Variants in CSMD1 observed in about 807,000 individuals in gnomAD.
CSMD1 encodes CUB and Sushi multiple domains 1.
A neutral mutation model predicts 417.5 loss-of-function variants in CSMD1; 213 were observed. The observed-to-expected ratio is 0.51, with a 90% CI of 0.46 to 0.57. The LOEUF (loss-of-function observed/expected upper bound fraction) is 0.57, where lower values mean the gene tolerates loss of function less well. Ranked by LOEUF, CSMD1 falls within the 20% of genes least tolerant of loss-of-function variation. The pLI, the probability that CSMD1 is intolerant of heterozygous loss-of-function variation, is 0.00. For synonymous variants in CSMD1, 2,862 were observed against 1,736.8 expected (o/e 1.65, Z -16.11); for missense variants, 6,923 against 4,529.7 (o/e 1.53, Z -15.17).
chr8:4,023,323 C>T (rs1045741765), intron 4 of CSMD1, among the ~76,000 whole-genome samples: 2 of 152,166 alleles, frequency 1.3e-5, no homozygotes, highest in African/African-American at 2.4e-5. Context: ...AAGAGTATTT[C>T]TGTTTGAGCC....
chr8:3,171,885 T>C (rs1820603428), intron 37 of CSMD1, among the ~76,000 whole-genome samples: 1 of 152,194 alleles, frequency 6.6e-6, no homozygotes, highest in Non-Finnish European at 1.5e-5. Context: ...ACTTGTTAAA[T>C]AGTTTGCATC....
At chr8:3,719,041 C>G (rs191791916) in intron 6 of CSMD1, among the ~76,000 whole-genome samples, 1 of 152,210 alleles carries the variant, frequency 6.6e-6, no homozygotes, top group East Asian at 1.9e-4. Flanking sequence ...CTGCACTCTA[C>G]GTATTGAGAT....
At chr8:4,081,758 A>G (rs1455068550) in intron 3 of CSMD1, among the ~76,000 whole-genome samples, 1 of 152,204 alleles carries the variant, frequency 6.6e-6, no homozygotes, top group East Asian at 1.9e-4. Flanking sequence ...TTTTTTAAAG[A>G]CCCCAAATAT....
At chr8:3,450,543 T>C (rs564099535) in intron 12 of CSMD1, among the ~76,000 whole-genome samples, 2 of 150,184 alleles carry the variant, frequency 1.3e-5, no homozygotes, top group East Asian at 2.0e-4. Flanking sequence ...TTCCCACCTA[T>C]CAATGAGAAC....
chr8:3,162,008 A>T, intron 38 of CSMD1, 151 bp downstream of exon 38: 1 of 587,054 alleles, frequency 1.7e-6, no homozygotes, highest in Admixed American at 2.8e-5. Flanking sequence ...AATGGTGACG[A>T]AGATGACCAA....
chr8:3,950,357 G>A (rs1182454248), intron 5 of CSMD1, among the ~76,000 whole-genome samples: 2 of 152,164 alleles, frequency 1.3e-5, no homozygotes, highest in African/African-American at 4.8e-5. Context: ...TCTGCATAAA[G>A]TTTAAGAACA....
chr8:4,909,160 C>T (rs537566084), intron 1 of CSMD1, among the ~76,000 whole-genome samples: 19 of 152,270 alleles, frequency 1.2e-4, no homozygotes, highest in African/African-American at 4.3e-4. Context: ...CTGTCCCTGG[C>T]AGGGCCTTCT....
intron 1 of CSMD1, among the ~76,000 whole-genome samples, chr8:4,874,911 TATTAG>T (rs1010336799): frequency 6.6e-6 from 1 of 150,494 alleles, no homozygotes. Flanking sequence ...GTATATACTA[TATTAG>T]ATATTTCCAC....
intron 2 of CSMD1, among the ~76,000 whole-genome samples, chr8:4,489,731 A>C (rs1282574737): frequency 6.6e-6 from 1 of 152,196 alleles, no homozygotes; most frequent in African/African-American, 2.4e-5. Flanking sequence ...CCTGGCTGGC[A>C]GGGAAGAAGC....
chr8:4,166,690 G>T (rs371466698), intron 3 of CSMD1, among the ~76,000 whole-genome samples: 3 of 152,030 alleles, frequency 2.0e-5, no homozygotes. Flanking sequence ...CCAAAATCAA[G>T]AAAATCAGCT....
intron 22 of CSMD1, among the ~76,000 whole-genome samples, chr8:3,347,756 G>A (rs937078300): frequency 6.6e-6 from 1 of 152,162 alleles, no homozygotes; most frequent in Non-Finnish European, 1.5e-5. Context: ...TAAGGTGCTG[G>A]ACTGATAAAT....
chr8:3,841,756 T>G (rs1803150846), intron 5 of CSMD1, among the ~76,000 whole-genome samples: 1 of 152,092 alleles, frequency 6.6e-6, no homozygotes, highest in Admixed American at 6.5e-5. Flanking sequence ...TGAGCTACAT[T>G]AATAACATCC....
intron 49 of CSMD1, among the ~76,000 whole-genome samples, chr8:3,077,860 G>A (rs1415587844): frequency 6.6e-6 from 1 of 152,166 alleles, no homozygotes; most frequent in African/African-American, 2.4e-5. Flanking sequence ...CTGCACACAG[G>A]GCATTTCACT....
At chr8:4,654,253 C>T (rs372234671) in intron 1 of CSMD1, among the ~76,000 whole-genome samples, 7 of 152,160 alleles carry the variant, frequency 4.6e-5, no homozygotes, top group Admixed American at 2.6e-4. Context: ...TCAATTTGAA[C>T]AACAGTTCAG....
intron 3 of CSMD1, among the ~76,000 whole-genome samples, chr8:4,113,389 GCTTTTTT>G (rs1426664193): frequency 3.2e-5 from 3 of 93,428 alleles, no homozygotes; most frequent in Admixed American, 1.5e-4. Context: ...AAATAAAAGG[GCTTTTTT>G]TTTTTTTTTT....
intron 5 of CSMD1, among the ~76,000 whole-genome samples, chr8:3,988,434 G>A (rs746234673): frequency 2.0e-5 from 3 of 152,182 alleles, no homozygotes; most frequent in African/African-American, 7.2e-5. Flanking sequence ...TGTCAAATAT[G>A]TACGCCACTC....
chr8:4,021,206 C>T (rs930737024), intron 4 of CSMD1, among the ~76,000 whole-genome samples: 4 of 152,198 alleles, frequency 2.6e-5, no homozygotes, highest in Non-Finnish European at 5.9e-5. Flanking sequence ...CTGAAATACA[C>T]ATCAGATTTT....
intron 26 of CSMD1, among the ~76,000 whole-genome samples, chr8:3,276,201 G>C (rs935330872): frequency 6.6e-6 from 1 of 152,134 alleles, no homozygotes. Flanking sequence ...TGAGGTGTCA[G>C]TCTACCCCTG....
At chr8:4,200,931 C>CT (rs1420784196) in intron 3 of CSMD1, among the ~76,000 whole-genome samples, 1 of 152,118 alleles carries the variant, frequency 6.6e-6, no homozygotes, top group African/African-American at 2.4e-5. Flanking sequence ...GCATTCATGT[C>CT]TTTTCTAATC....
Sources: gnomAD v4.1 joint callset for allele counts (sites outside exome capture counted in the v4.1 genomes callset) on GRCh38, gnomAD v4.1.1 for gene constraint, MANE v1.5 for transcripts, NCBI Gene and HGNC (gene_info 2026-07-23, HGNC 2026-07-21) for gene names.